The following MRAP2 variants were observed in gnomAD, a reference collection of about 807,000 sequenced individuals.
MRAP2 encodes melanocortin-2 receptor accessory protein 2.
In MRAP2, 20 loss-of-function variants were observed where a neutral mutation model predicts 17.4. That is an observed-to-expected ratio of 1.15 (90% CI 0.81 to 1.67). MRAP2 has a LOEUF of 1.67. Ranked by LOEUF, MRAP2 falls within the 40% of genes most tolerant of loss-of-function variation. The probability of loss-of-function intolerance (pLI) is 0.00; values close to 1 mark genes in which losing one functional copy is unlikely to be tolerated. For synonymous variants in MRAP2, 96 were observed against 88.4 expected (o/e 1.09, Z -0.48); for missense variants, 238 against 240.0 (o/e 0.99, Z 0.05).
At chr6:84,038,684 G>A (rs773457347) in intron 1 of MRAP2, among the ~76,000 whole-genome samples, 11 of 152,108 alleles carry the variant, frequency 7.2e-5, no homozygotes, top group African/African-American at 9.6e-5. Context: ...TTGTAGAGAC[G>A]TGGTTTTGCT....
chr6:84,097,671 ACT>A, the MRAP2 span, among the ~76,000 whole-genome samples: 697 of 152,200 alleles, frequency 4.6e-3, 8 homozygotes, highest in African/African-American at 0.016. Flanking sequence ...TTATAAAAAG[ACT>A]CTACTAACTC....
intron 3 of MRAP2, among the ~76,000 whole-genome samples, chr6:84,084,252 T>G (rs1400303575): frequency 1.3e-5 from 2 of 152,084 alleles, no homozygotes; most frequent in Non-Finnish European, 1.5e-5. Flanking sequence ...GCTTGACTAG[T>G]CAATGTGGGT....
intron 1 of MRAP2, among the ~76,000 whole-genome samples, chr6:84,051,595 T>C (rs564459240): frequency 6.6e-6 from 1 of 152,226 alleles, no homozygotes; most frequent in South Asian, 2.1e-4. Flanking sequence ...TGGTGGCTCA[T>C]GCATGTAATC....
chr6:84,062,983 C>T lies in MRAP2; in HGVS notation c.218C>T (p.Pro73Leu), dbSNP rs1189717513. Residue 73 changes from proline (P) to leucine (L), a missense_variant, in exon 3 of 4, where the codon CCA becomes CTA. By Grantham distance (98) the Pro-to-Leu change is moderately conservative. Coordinates refer to ENST00000257776, the MANE Select transcript of MRAP2 (RefSeq NM_138409.4). Reference protein sequence around the residue: ...VLTLLTKTGAPHQDNAESSEK... With the variant: ...VLTLLTKTGALHQDNAESSEK... ...ACCTTGCTGACCAAGACAGGAGCCC[C>T]ACACCAAGAGTAAGTTTGGGCTGTT... 6.2e-7 allele frequency: 1 copy of T among 1,614,122 alleles called. No homozygotes were observed. The highest frequency in any genetic ancestry group is 2.2e-5 in the East Asian group (1 of 44,888).
the MRAP2 span, among the ~76,000 whole-genome samples, chr6:84,141,747 A>C: frequency 6.6e-6 from 1 of 152,206 alleles, no homozygotes; most frequent in South Asian, 2.1e-4. Flanking sequence ...GGGAACTGGC[A>C]GCCAGGCTGG....
the MRAP2 span, among the ~76,000 whole-genome samples, chr6:84,102,010 GAAT>G: frequency 1.3e-5 from 2 of 152,122 alleles, no homozygotes; most frequent in African/African-American, 2.4e-5. Context: ...TATACAATGA[GAAT>G]AATAATAAGA....
chr6:84,120,000 A>G, the MRAP2 span, among the ~76,000 whole-genome samples: 8 of 152,218 alleles, frequency 5.3e-5, no homozygotes, highest in Admixed American at 1.3e-4. Context: ...ATGGAAGGGC[A>G]TAAGTCCCAT....
rs141576904 is a variant in MRAP2, at chr6:84,080,004, C to T, written c.228-9087C>T. Among the ~76,000 whole-genome samples, 890 of 150,852 alleles carry T rather than the reference C, an allele frequency of 5.9e-3. 5 individuals carry two copies. Among genetic ancestry groups the T allele is most frequent in the African/African-American group, 0.021 (858 of 40,598 alleles). On this transcript the variant is annotated intron_variant, in intron 3 of 3. Transcript: ENST00000257776. ...GAGGACCCTCGTTTCATAACCTTCC[C>T]CAGCTCTATTGCCAGGGTTTTTTTT...
chr6:84,089,446 C>T lies in MRAP2; in HGVS notation c.583C>T (p.Pro195Ser), dbSNP rs1163434651. The stretch of plus-strand genomic sequence containing the variant: ...ACCACCTATTGTTCTGGAAACTAAG[C>T]CACTTTCCCAGACCTCACACAAAGA... Reference protein sequence around the residue: ...SEPPIVLETKPLSQTSHKDLD With the variant: ...SEPPIVLETKSLSQTSHKDLD The change falls in exon 4 of 4, where the codon CCA becomes TCA. Residue 195 changes from proline to serine, a missense_variant. Coordinates refer to ENST00000257776, the MANE Select transcript of MRAP2 (RefSeq NM_138409.4). The T allele has an allele frequency of 6.2e-7, 1 of 1,613,816 alleles. No individual in the cohort carries two copies. The highest frequency in any genetic ancestry group is 8.5e-7 in the Non-Finnish European group (1 of 1,179,964).
chr6:84,054,345 C>T (rs1049946231), intron 1 of MRAP2, among the ~76,000 whole-genome samples: 4 of 152,184 alleles, frequency 2.6e-5, no homozygotes, highest in East Asian at 1.9e-4. Context: ...CTTCGGTATC[C>T]GTGCTGCGCA....
chr6:84,115,341 A>T, the MRAP2 span, among the ~76,000 whole-genome samples: 1 of 152,190 alleles, frequency 6.6e-6, no homozygotes, highest in Non-Finnish European at 1.5e-5. Context: ...GGCTTCACCT[A>T]GTTCGAACTT....
intron 3 of MRAP2, among the ~76,000 whole-genome samples, chr6:84,066,281 AAAT>A (rs1296924137): frequency 1.3e-5 from 2 of 152,234 alleles, no homozygotes; most frequent in African/African-American, 4.8e-5. Context: ...ACATTTAAGA[AAAT>A]AATGGATGTT....
chr6:84,048,811 G>A (rs1192666515), intron 1 of MRAP2, among the ~76,000 whole-genome samples: 1 of 152,136 alleles, frequency 6.6e-6, no homozygotes, highest in Non-Finnish European at 1.5e-5. Context: ...TGGTCAGCTT[G>A]GCCATTGTTT....
Position 84,090,608 on chromosome 6 carries a change from T to C in MRAP2, c.*1127T>C, listed in dbSNP as rs368440595. 6.6e-6 allele frequency: 1 copy of C among 152,200 alleles called. No homozygotes were observed. Among genetic ancestry groups the C allele is most frequent in the African/African-American group, 2.4e-5 (1 of 41,460 alleles). 9.4% of individuals were successfully genotyped at this position (152,200 alleles called of 1,614,324 possible). Reference sequence around the variant, plus strand: ...CCATGCTATTACCTTGGCAGATGTGTAGGTGATAGTCATCTGGCTTTGAGC... The same window carrying C: ...CCATGCTATTACCTTGGCAGATGTGCAGGTGATAGTCATCTGGCTTTGAGC... On this transcript the variant is annotated 3_prime_UTR_variant, in exon 4 of 4. Transcript: ENST00000257776.
At chr6:84,094,353 A>T (rs144547799), downstream of MRAP2, among the ~76,000 whole-genome samples, 1 of 152,138 alleles carries the variant, frequency 6.6e-6, no homozygotes, top group Non-Finnish European at 1.5e-5. Flanking sequence ...GAATTTCCCA[A>T]ATCATCAATC....
chr6:84,056,028 A>C (rs1169038778), intron 2 of MRAP2, among the ~76,000 whole-genome samples: 1 of 152,152 alleles, frequency 6.6e-6, no homozygotes, highest in Non-Finnish European at 1.5e-5. Context: ...TTGCTACTCA[A>C]CTCCAGTCAT....
intron 3 of MRAP2, among the ~76,000 whole-genome samples, chr6:84,068,586 G>A (rs1562884014): frequency 6.6e-6 from 1 of 152,024 alleles, no homozygotes; most frequent in East Asian, 1.9e-4. Flanking sequence ...AGTTTTCCTT[G>A]TAGAGGTCTT....
At chr6:84,125,051 T>C in the MRAP2 span, 2 of 1,587,180 alleles carry the variant, frequency 1.3e-6, no homozygotes, top group Non-Finnish European at 8.6e-7. Context: ...ATAAGGTCAT[T>C]ATGAAATCTG....
chr6:84,056,546 T>G (rs2099491761), intron 2 of MRAP2, among the ~76,000 whole-genome samples: 1 of 152,256 alleles, frequency 6.6e-6, no homozygotes, highest in Non-Finnish European at 1.5e-5. Flanking sequence ...CACATGGCAT[T>G]TATCAAGGTA....
Sources: allele counts gnomAD v4.1 joint callset (sites outside exome capture counted in the v4.1 genomes callset), GRCh38; gene constraint gnomAD v4.1.1; transcripts MANE v1.5; gene names NCBI Gene and HGNC (gene_info 2026-07-23, HGNC 2026-07-21).